Variants in COL9A1 observed in about 807,000 individuals in gnomAD.
COL9A1 encodes the protein collagen type IX alpha 1 chain.
In COL9A1, 104 loss-of-function variants were observed where a neutral mutation model predicts 142.6. The observed-to-expected ratio is 0.73, with a 90% CI of 0.62 to 0.86. The LOEUF (loss-of-function observed/expected upper bound fraction) is 0.86, where lower values mean the gene tolerates loss of function less well. COL9A1 is among the 40% of genes least tolerant of loss of function. The pLI, the probability that COL9A1 is intolerant of heterozygous loss-of-function variation, is 0.00. For missense variants in COL9A1, 1,210 were observed against 1,176.6 expected, an observed-to-expected ratio of 1.03 and a Z score of -0.42; for synonymous variants, 466 against 396.0, an observed-to-expected ratio of 1.18 and a Z score of -2.10.
intron 36 of COL9A1, among the ~76,000 whole-genome samples, chr6:70,230,828 C>T (rs1400254084): frequency 6.6e-6 from 1 of 152,190 alleles, no homozygotes; most frequent in East Asian, 1.9e-4. Flanking sequence ...GCTCCTCAGG[C>T]AATTCCAGTG....
chr6:70,255,551 G>A (rs1475992755), intron 21 of COL9A1, among the ~76,000 whole-genome samples, 161 bp from the exon 22 acceptor site: 6 of 152,176 alleles, frequency 3.9e-5, no homozygotes, highest in African/African-American at 1.2e-4. Context: ...TTATAAAAAC[G>A]GAATTGTCTT....
chr6:70,241,437 C>A lies in COL9A1; in HGVS notation c.2016G>T (p.Pro672=). The A allele has an allele frequency of 6.2e-7, 1 of 1,610,764 alleles. No homozygotes were observed. Among genetic ancestry groups the A allele is most frequent in the Non-Finnish European group, 8.5e-7 (1 of 1,177,050 alleles). ...GACTGACCTGTTCACCCTTTGGACCCGGTTCACCGACTACACCCTGTAATA... is the reference window on the plus strand; with the variant it reads ...GACTGACCTGTTCACCCTTTGGACCAGGTTCACCGACTACACCCTGTAATA... The part of the protein sequence containing the change: ...MKGDRGVVGE[P]GPKGEQGASG... Residue 672 remains proline (P), a synonymous_variant, in exon 31 of 38, where the codon CCG becomes CCT. Coordinates refer to ENST00000357250, the MANE Select transcript of COL9A1 (RefSeq NM_001851.6).
At chr6:70,291,123 G>A (rs1773642392) in intron 5 of COL9A1, among the ~76,000 whole-genome samples, 1 of 152,024 alleles carries the variant, frequency 6.6e-6, no homozygotes, top group African/African-American at 2.4e-5. Context: ...AAGAAAATAG[G>A]CCATAAAATT....
chr6:70,215,262 G>A (rs1768433980), downstream of COL9A1: 1 of 152,166 alleles, frequency 6.6e-6, no homozygotes, highest in African/African-American at 2.4e-5. Flanking sequence ...CAAAATTCAT[G>A]CTAGAAGCAT....
At chr6:70,293,845 G>T (rs905424386) in intron 5 of COL9A1, among the ~76,000 whole-genome samples, 1 of 152,084 alleles carries the variant, frequency 6.6e-6, no homozygotes, top group Admixed American at 6.6e-5. Flanking sequence ...CAAGAAGCAT[G>T]GGATTCTTGA....
intron 20 of COL9A1, among the ~76,000 whole-genome samples, chr6:70,259,435 A>G (rs945828282): frequency 6.6e-6 from 1 of 152,046 alleles, no homozygotes; most frequent in Non-Finnish European, 1.5e-5. Flanking sequence ...AGTGGTAACC[A>G]TTTTCTTAAA....
chr6:70,255,061 A>C (rs766844676), intron 23 of COL9A1, 45 bp from the exon 24 acceptor site: 30 of 1,613,230 alleles, frequency 1.9e-5, no homozygotes, highest in Non-Finnish European at 9.3e-6. Context: ...ACACAGTCAC[A>C]TTCTTTTTCC....
At chr6:70,255,079 A>G (rs371815093) in intron 23 of COL9A1, 63 bp from the exon 24 acceptor site, 253 of 1,613,270 alleles carry the variant, frequency 1.6e-4, no homozygotes, top group Admixed American at 1.3e-4. Context: ...TCCCTTCATT[A>G]TTTTCTAAAG....
chr6:70,271,823 C>A, intron 13 of COL9A1, 115 bp from the exon 14 acceptor site: 1 of 1,106,466 alleles, frequency 9.0e-7, no homozygotes, highest in Non-Finnish European at 1.3e-6. Context: ...CTTTGGTTTC[C>A]AATGACACAA....
At chr6:70,270,424 T>C in intron 14 of COL9A1, 57 bp from the exon 15 acceptor site, 2 of 1,520,596 alleles carry the variant, frequency 1.3e-6, no homozygotes, top group Non-Finnish European at 1.8e-6. Flanking sequence ...ACACAGTACA[T>C]AAAACCAGTG....
chr6:70,272,567 C>G (rs1772477886), intron 12 of COL9A1, among the ~76,000 whole-genome samples: 1 of 152,094 alleles, frequency 6.6e-6, no homozygotes, highest in Non-Finnish European at 1.5e-5. Context: ...CAGAAACACA[C>G]CTCCCTTTTG....
At chr6:70,250,855 A>G (rs1216272446) in intron 28 of COL9A1, among the ~76,000 whole-genome samples, 1 of 152,226 alleles carries the variant, frequency 6.6e-6, no homozygotes, top group Non-Finnish European at 1.5e-5. Context: ...TAAACTGTGT[A>G]TAGTGAGAAA....
At chr6:70,292,040 A>T (rs1003703100) in intron 5 of COL9A1, among the ~76,000 whole-genome samples, 1 of 152,194 alleles carries the variant, frequency 6.6e-6, no homozygotes, top group African/African-American at 2.4e-5. Flanking sequence ...ATGATGTTTT[A>T]AAAAAGTGTA....
At chr6:70,267,327 G>GGTTTTTTTTTTTTTTTTT (rs757813161) in intron 17 of COL9A1, among the ~76,000 whole-genome samples, 10 of 127,030 alleles carry the variant, frequency 7.9e-5, no homozygotes, top group African/African-American at 3.0e-4. Context: ...TGGTTTTTTT[G>GGTTTTTTTTTTTTTTTTT]TTTTTTTTTT....
At chr6:70,241,928 C>T (rs746957442) in intron 30 of COL9A1, 36 bp downstream of exon 30, 2 of 1,543,262 alleles carry the variant, frequency 1.3e-6, no homozygotes, top group South Asian at 2.4e-5. Flanking sequence ...ATCACCCTTC[C>T]AAATAAAGAA....
intron 5 of COL9A1, among the ~76,000 whole-genome samples, chr6:70,286,011 C>T (rs1773437873): frequency 6.6e-6 from 1 of 152,172 alleles, no homozygotes; most frequent in African/African-American, 2.4e-5. Flanking sequence ...GCCTCAGCCT[C>T]CCGAGTAGCT....
At chr6:70,219,890 TA>T (rs1768761766) in intron 37 of COL9A1, among the ~76,000 whole-genome samples, 1 of 152,236 alleles carries the variant, frequency 6.6e-6, no homozygotes, top group Non-Finnish European at 1.5e-5. Context: ...TCTAATACAC[TA>T]ACAATATTAA....
Position 70,270,271 on chromosome 6 carries a change from G to A in COL9A1, c.1197+43C>T, listed in dbSNP as rs759808339. ...GGATTCTTAGATTTTTTTCAACCCT[G>A]ACTCTCAGACACAAACAGAAATTCA... On this transcript the variant is annotated intron_variant, in intron 15 of 37. Transcript: ENST00000357250. The A allele has an allele frequency of 3.8e-6, 6 of 1,584,052 alleles. No homozygotes were observed. In the South Asian group the frequency reaches 5.5e-5, roughly 15 times the overall value.
chr6:70,302,856 T>C, intron 1 of COL9A1, 55 bp downstream of exon 1: 3 of 1,597,202 alleles, frequency 1.9e-6, no homozygotes, highest in Non-Finnish European at 2.6e-6. Context: ...GACCCTTGGT[T>C]CTGAGGACCC....
Sources: gnomAD v4.1 joint callset for allele counts (sites outside exome capture counted in the v4.1 genomes callset) on GRCh38, gnomAD v4.1.1 for gene constraint, MANE v1.5 for transcripts, NCBI Gene and HGNC (gene_info 2026-07-23, HGNC 2026-07-21) for gene names.